Variants in CSMD1 observed in about 807,000 individuals in gnomAD.
The protein encoded by CSMD1 is CUB and Sushi multiple domains 1.
In CSMD1, 213 loss-of-function variants were observed where a neutral mutation model predicts 417.5. The observed-to-expected ratio is 0.51, with a 90% CI of 0.46 to 0.57. The LOEUF is 0.57. Among genes scored for constraint, CSMD1 ranks in the 20% least tolerant of loss-of-function variants. The pLI is 0.00. For synonymous variants in CSMD1, 2,862 were observed against 1,736.8 expected (o/e 1.65, Z -16.11); for missense variants, 6,923 against 4,529.7 (o/e 1.53, Z -15.17).
chr8:4,437,995 T>C (rs1798244216), intron 2 of CSMD1, among the ~76,000 whole-genome samples: 11 of 152,124 alleles, frequency 7.2e-5, no homozygotes, highest in Admixed American at 7.2e-4. Flanking sequence ...CCCAATAAAG[T>C]GGTCTGATCT....
rs137980595 is a variant in CSMD1 at position 3,749,135 on chromosome 8, G to A, written c.931+4795C>T. ...TCAAAAAATTTATCTTGTAGACACTGAAAACGTCTAGATGATGGATTGTGC... is the reference window on the plus strand; with the variant it reads ...TCAAAAAATTTATCTTGTAGACACTAAAAACGTCTAGATGATGGATTGTGC... On this transcript the variant is annotated intron_variant, in intron 6 of 69. Transcript: ENST00000635120. Among the ~76,000 whole-genome samples the A allele has an allele frequency of 2.2e-4, 33 of 152,234 alleles. No homozygotes were observed. The East Asian group carries it at 3.7e-3, about 17-fold the overall frequency.
chr8:4,158,278 A>T (rs969509896), intron 3 of CSMD1, among the ~76,000 whole-genome samples: 1 of 152,080 alleles, frequency 6.6e-6, no homozygotes, highest in Non-Finnish European at 1.5e-5. Flanking sequence ...CGGGAAGACT[A>T]AACAACAGAA....
chr8:3,779,149 T>TG, intron 5 of CSMD1, among the ~76,000 whole-genome samples: 1 of 147,538 alleles, frequency 6.8e-6, no homozygotes, highest in African/African-American at 2.5e-5. Context: ...GCGTGCATAC[T>TG]TGTGTGTGTG....
Position 4,440,105 on chromosome 8 carries a change from G to A in CSMD1, c.303-20040C>T, listed in dbSNP as rs558701359. Among the ~76,000 whole-genome samples, 18 of 152,200 alleles carry A rather than the reference G, an allele frequency of 1.2e-4. No homozygotes were observed. In the South Asian group the frequency reaches 3.7e-3, roughly 32 times the overall value. On this transcript the variant is annotated intron_variant, in intron 2 of 69. Coordinates refer to ENST00000635120, the MANE Select transcript of CSMD1 (RefSeq NM_033225.6). ...AACTGTGTTAGGATATTGGAAAAGA[G>A]GAACTCATTCTCTTTAAAGTGCAGC...
chr8:4,628,123 G>GTGTA (rs1554528783), intron 2 of CSMD1, among the ~76,000 whole-genome samples: 65 of 148,054 alleles, frequency 4.4e-4, no homozygotes, highest in African/African-American at 1.4e-3. Flanking sequence ...CTGTGTGTGT[G>GTGTA]TATATATATA....
intron 7 of CSMD1, among the ~76,000 whole-genome samples, chr8:3,620,003 G>C (rs540467488): frequency 6.6e-6 from 1 of 152,172 alleles, no homozygotes; most frequent in Non-Finnish European, 1.5e-5. Context: ...TTGGGAGGCT[G>C]AGACAGGAGA....
At chr8:4,288,787 C>T (rs533276681) in intron 3 of CSMD1, among the ~76,000 whole-genome samples, 23 of 152,304 alleles carry the variant, frequency 1.5e-4, no homozygotes, top group Non-Finnish European at 2.9e-4. Context: ...GTCAGGTCTA[C>T]GTAGCAGCCA....
rs944442864 is a variant in CSMD1, at chr8:3,575,782, T to C, written c.1223-716A>G. 2.0e-5 allele frequency among the ~76,000 whole-genome samples: 3 copies of C among 151,662 alleles called. No individual in the cohort carries two copies. The South Asian group carries it at 6.2e-4, about 31-fold the overall frequency. On this transcript the variant is annotated intron_variant, in intron 9 of 69. Transcript: ENST00000635120. ...GTGAAGCATAGAAATTGCATAATTCTATATATACAACTTAGTCTGGAATAC... is the reference window on the plus strand; with the variant it reads ...GTGAAGCATAGAAATTGCATAATTCCATATATACAACTTAGTCTGGAATAC...
At chr8:3,672,302 G>T (rs759964726) in intron 7 of CSMD1, among the ~76,000 whole-genome samples, 2 of 152,120 alleles carry the variant, frequency 1.3e-5, no homozygotes, top group Non-Finnish European at 2.9e-5. Context: ...AATAGTCTGA[G>T]AATCCTAAGG....
At chr8:2,968,432 C>T (rs1466622867) in intron 57 of CSMD1, among the ~76,000 whole-genome samples, 3 of 152,100 alleles carry the variant, frequency 2.0e-5, no homozygotes, top group South Asian at 2.1e-4. Context: ...GTCAAATAAC[C>T]GATGAAAAAT....
chr8:3,237,333 G>A (rs1220889718), intron 26 of CSMD1, among the ~76,000 whole-genome samples: 1 of 151,622 alleles, frequency 6.6e-6, no homozygotes, highest in Non-Finnish European at 1.5e-5. Flanking sequence ...TGGTCATGGT[G>A]GTGTGTGTCT....
chr8:3,197,610 T>C (rs377042883), intron 33 of CSMD1, among the ~76,000 whole-genome samples: 143 of 94,686 alleles, frequency 1.5e-3, no homozygotes, highest in African/African-American at 6.0e-3. Flanking sequence ...GGACTACAGG[T>C]GCCCGCCACC....
chr8:4,871,407 C>T lies in CSMD1; in HGVS notation c.85+122925G>A, dbSNP rs533017740. Among the ~76,000 whole-genome samples the T allele has an allele frequency of 5.9e-5, 9 of 152,178 alleles. No homozygotes were observed. In the South Asian group the frequency reaches 1.9e-3, roughly 32 times the overall value. ...GTATTTTCAACCTGAATACATTTAT[C>T]TAACACCATGAGTTCCAGTACAGTG... is the stretch of plus-strand genomic sequence containing the variant. On this transcript the variant is annotated intron_variant, in intron 1 of 69. Transcript: ENST00000635120.
intron 1 of CSMD1, among the ~76,000 whole-genome samples, chr8:4,909,184 C>G (rs1195106183): frequency 1.3e-5 from 2 of 152,148 alleles, no homozygotes; most frequent in East Asian, 1.9e-4. Flanking sequence ...GTAATCCACT[C>G]TTATAATGCA....
At chr8:3,528,793 A>G (rs1422873046) in intron 10 of CSMD1, among the ~76,000 whole-genome samples, 2 of 152,218 alleles carry the variant, frequency 1.3e-5, no homozygotes, top group Non-Finnish European at 2.9e-5. Flanking sequence ...CAGACAGAAA[A>G]CACCTGGATA....
At position 3,944,372 on chromosome 8, in the gene CSMD1, C is replaced by T. The variant is rs74894702; in HGVS notation, c.818+53531G>A. Among the ~76,000 whole-genome samples, 835 of 152,134 alleles carry T rather than the reference C, an allele frequency of 5.5e-3. 4 individuals are homozygous for T. The highest frequency in any genetic ancestry group is 8.8e-3 in the Non-Finnish European group (596 of 67,962). ...TTTTTGTACCAAAATAAGATGTGTTCCTCTCTACGACTGAATATTGACAAT... is the reference window on the plus strand; with the variant it reads ...TTTTTGTACCAAAATAAGATGTGTTTCTCTCTACGACTGAATATTGACAAT... On this transcript the variant is annotated intron_variant, in intron 5 of 69. Transcript: ENST00000635120.
In CSMD1 at chr8:3,271,341, G is replaced by C. The variant is rs549919841; in HGVS notation, c.4153+12803C>G. 1.4e-4 allele frequency among the ~76,000 whole-genome samples: 21 copies of C among 151,894 alleles called. No individual in the cohort carries two copies. The South Asian group carries it at 3.3e-3, about 24-fold the overall frequency. On this transcript the variant is annotated intron_variant, in intron 26 of 69. Transcript: ENST00000635120. ...TCCAGTCTATCATTGTTGGACATTT[G>C]GGTTGGTTCCAAGTCTTTGCTATTG...
chr8:4,927,971 C>T (rs1806983802), intron 1 of CSMD1, among the ~76,000 whole-genome samples: 1 of 152,164 alleles, frequency 6.6e-6, no homozygotes, highest in Non-Finnish European at 1.5e-5. Context: ...TTCTTTCAGA[C>T]CCAAGTCTGT....
At chr8:3,221,767 G>A (rs773910895) in intron 28 of CSMD1, among the ~76,000 whole-genome samples, 2 of 151,972 alleles carry the variant, frequency 1.3e-5, no homozygotes, top group Non-Finnish European at 2.9e-5. Flanking sequence ...CAATGTGTGA[G>A]CCCCACAATC....
Sources: gnomAD v4.1 joint callset for allele counts (sites outside exome capture counted in the v4.1 genomes callset) on GRCh38, gnomAD v4.1.1 for gene constraint, MANE v1.5 for transcripts, NCBI Gene and HGNC (gene_info 2026-07-23, HGNC 2026-07-21) for gene names.